Variants in TMEM108 observed in about 807,000 individuals in gnomAD.
TMEM108 encodes transmembrane protein 108.
A neutral mutation model predicts 35.1 loss-of-function variants in TMEM108; 12 were observed. The observed-to-expected ratio is 0.34, with a 90% confidence interval of 0.22 to 0.55. The LOEUF (loss-of-function observed/expected upper bound fraction) is 0.55, where lower values mean the gene tolerates loss of function less well. Ranked by LOEUF, TMEM108 falls within the 20% of genes least tolerant of loss-of-function variation. The pLI, the probability that TMEM108 is intolerant of heterozygous loss-of-function variation, is 0.89. For missense variants in TMEM108, 680 were observed against 753.3 expected (o/e 0.90, Z 1.14); for synonymous variants, 287 against 308.6 (o/e 0.93, Z 0.73).
At chr3:133,231,609 C>T (rs549772345) in intron 3 of TMEM108, among the ~76,000 whole-genome samples, 1 of 152,084 alleles carries the variant, frequency 6.6e-6, no homozygotes, top group Non-Finnish European at 1.5e-5. Context: ...AATACGCATG[C>T]CACATTGTAC....
chr3:133,312,735 C>A (rs1033288568), intron 3 of TMEM108, among the ~76,000 whole-genome samples: 1 of 152,256 alleles, frequency 6.6e-6, no homozygotes, highest in Non-Finnish European at 1.5e-5. Flanking sequence ...TGGGCTGCAT[C>A]CACTGTCCAA....
At chr3:133,202,323 T>C (rs1945681547) in intron 2 of TMEM108, among the ~76,000 whole-genome samples, 1 of 152,218 alleles carries the variant, frequency 6.6e-6, no homozygotes, top group African/African-American at 2.4e-5. Flanking sequence ...CAATTTTGGC[T>C]TATGTCGCCA....
intron 2 of TMEM108, among the ~76,000 whole-genome samples, chr3:133,220,827 T>C (rs1576391420): frequency 6.6e-6 from 1 of 152,246 alleles, no homozygotes; most frequent in Admixed American, 6.5e-5. Flanking sequence ...TCACCTATAC[T>C]TCTGACCAAC....
chr3:133,223,916 T>C (rs1946029633), intron 2 of TMEM108, among the ~76,000 whole-genome samples: 2 of 152,192 alleles, frequency 1.3e-5, no homozygotes, highest in South Asian at 4.1e-4. Context: ...AGCCAAATGG[T>C]GCTTCTAGTT....
At chr3:133,108,272 C>T (rs1944181486) in intron 2 of TMEM108, among the ~76,000 whole-genome samples, 1 of 152,084 alleles carries the variant, frequency 6.6e-6, no homozygotes. Context: ...ACATCCTCTC[C>T]AGCACCTGTT....
At chr3:133,190,016 G>A (rs983886115) in intron 2 of TMEM108, among the ~76,000 whole-genome samples, 1 of 152,028 alleles carries the variant, frequency 6.6e-6, no homozygotes, top group African/African-American at 2.4e-5. Context: ...ACCCCAAGAG[G>A]GATGTAGAAA....
intron 2 of TMEM108, among the ~76,000 whole-genome samples, chr3:133,110,217 T>C (rs941340939): frequency 1.3e-5 from 2 of 152,180 alleles, no homozygotes; most frequent in Non-Finnish European, 2.9e-5. Flanking sequence ...TAAACTCTGT[T>C]GCTTCTGGAG....
At chr3:133,135,659 A>G (rs1026569968) in intron 2 of TMEM108, among the ~76,000 whole-genome samples, 11 of 152,234 alleles carry the variant, frequency 7.2e-5, no homozygotes, top group African/African-American at 2.7e-4. Context: ...GAGCTGCAAT[A>G]GTCACCTGAG....
rs1395795992 is a variant in TMEM108, at chr3:133,396,170, C to G, written c.*184C>G. 7.7e-6 allele frequency: 2 copies of G among 260,062 alleles called. No homozygotes were observed. Among genetic ancestry groups the G allele is most frequent in the Non-Finnish European group, 1.3e-5 (2 of 154,484 alleles). 16.1% of individuals were successfully genotyped at this position (260,062 alleles called of 1,614,324 possible). ...TGGTTTAAAAAAAAAAAAAACTTTA[C>G]AGAATGATCTGTGGCTTTATAAAAT... On this transcript the variant is annotated 3_prime_UTR_variant, in exon 6 of 6. Transcript: ENST00000321871.
chr3:133,226,883 G>A (rs539576385), intron 2 of TMEM108, among the ~76,000 whole-genome samples: 1 of 152,284 alleles, frequency 6.6e-6, no homozygotes, highest in South Asian at 2.1e-4. Flanking sequence ...GGCTGGGGAG[G>A]CCTCACAATC....
At chr3:133,113,676 C>T (rs1397738966) in intron 2 of TMEM108, among the ~76,000 whole-genome samples, 1 of 152,104 alleles carries the variant, frequency 6.6e-6, no homozygotes, top group Non-Finnish European at 1.5e-5. Context: ...CTCAACCCAC[C>T]CCTACCCTTG....
chr3:133,087,131 G>A (rs1482847656), intron 2 of TMEM108, among the ~76,000 whole-genome samples: 3 of 152,144 alleles, frequency 2.0e-5, no homozygotes, highest in Non-Finnish European at 4.4e-5. Flanking sequence ...ATGTAACTCA[G>A]CCTAGACTTC....
At chr3:133,382,494 C>A (rs528956139) in intron 4 of TMEM108, among the ~76,000 whole-genome samples, 1 of 152,372 alleles carries the variant, frequency 6.6e-6, no homozygotes, top group East Asian at 1.9e-4. Context: ...TCTGGGGTAG[C>A]TTCTGCTTTG....
intron 2 of TMEM108, among the ~76,000 whole-genome samples, chr3:133,169,880 G>T (rs1009759303): frequency 6.6e-6 from 1 of 152,194 alleles, no homozygotes; most frequent in Admixed American, 6.5e-5. Context: ...ACAAAAGATG[G>T]TGATTAGCTG....
At position 133,379,876 on chromosome 3, in the gene TMEM108, C is replaced by T. The variant is rs2072950274; in HGVS notation, c.165C>T (p.His55=). The change falls in exon 4 of 6, where the codon CAC becomes CAT. Residue 55 remains histidine, a synonymous_variant. Coordinates refer to ENST00000321871, the MANE Select transcript of TMEM108 (RefSeq NM_023943.4). The part of the protein sequence containing the change: ...TPPGTMVTAP[H]SSTRHTSVVM... ...CGGGAACCATGGTGACAGCACCCCA[C>T]AGCTCTACCAGACATACTTCTGTGG... is the stretch of plus-strand genomic sequence containing the variant. The T allele has an allele frequency of 6.2e-7, 1 of 1,614,036 alleles. No individual in the cohort carries two copies. Among genetic ancestry groups the T allele is most frequent in the Non-Finnish European group, 8.5e-7 (1 of 1,179,944 alleles).
intron 2 of TMEM108, among the ~76,000 whole-genome samples, chr3:133,068,574 A>G (rs1231028326): frequency 7.2e-5 from 11 of 152,174 alleles, no homozygotes; most frequent in Non-Finnish European, 1.6e-4. Context: ...GAAGGGTTCA[A>G]AATGTGGATA....
chr3:133,177,377 G>A (rs1221257165), intron 2 of TMEM108, among the ~76,000 whole-genome samples: 1 of 152,180 alleles, frequency 6.6e-6, no homozygotes, highest in African/African-American at 2.4e-5. Context: ...GAGAATTTTA[G>A]ACCAATATCC....
intron 2 of TMEM108, among the ~76,000 whole-genome samples, chr3:133,223,596 T>C (rs1946024053): frequency 6.6e-6 from 1 of 152,194 alleles, no homozygotes; most frequent in Admixed American, 6.5e-5. Flanking sequence ...TTCTATTATA[T>C]GGTTGAAAGA....
chr3:133,040,841 C>T (rs1288812292), intron 1 of TMEM108, among the ~76,000 whole-genome samples: 2 of 152,192 alleles, frequency 1.3e-5, no homozygotes, highest in Non-Finnish European at 2.9e-5. Context: ...AAATCATTTC[C>T]TTTCTGTCGT....
Sources: allele counts gnomAD v4.1 joint callset (sites outside exome capture counted in the v4.1 genomes callset), GRCh38; gene constraint gnomAD v4.1.1; transcripts MANE v1.5; gene names NCBI Gene and HGNC (gene_info 2026-07-23, HGNC 2026-07-21).